Variants in CSMD1 observed in about 807,000 individuals in gnomAD.
CSMD1 encodes the protein CUB and Sushi multiple domains 1.
In CSMD1, 213 loss-of-function variants were observed where a neutral mutation model predicts 417.5. The ratio of observed to expected loss-of-function variants is 0.51; its 90% confidence interval spans 0.46 to 0.57. The LOEUF is 0.57. Among genes scored for constraint, CSMD1 ranks in the 20% least tolerant of loss-of-function variants. CSMD1 has a pLI of 0.00. For missense variants in CSMD1, 6,923 were observed against 4,529.7 expected (o/e 1.53, Z -15.17); for synonymous variants, 2,862 against 1,736.8 (o/e 1.65, Z -16.11).
chr8:4,018,750 A>G (rs1391144644), intron 4 of CSMD1, among the ~76,000 whole-genome samples: 2 of 152,190 alleles, frequency 1.3e-5, no homozygotes, highest in Admixed American at 6.5e-5. Context: ...ACAGCATGTG[A>G]CAAGGGCCGT....
chr8:4,662,837 G>T (rs187328494), intron 1 of CSMD1, among the ~76,000 whole-genome samples: 2 of 152,268 alleles, frequency 1.3e-5, no homozygotes, highest in East Asian at 3.9e-4. Context: ...AAACATTGTG[G>T]CAGGACACTT....
intron 5 of CSMD1, among the ~76,000 whole-genome samples, chr8:3,915,187 C>T (rs770005544): frequency 5.9e-5 from 9 of 151,980 alleles, no homozygotes; most frequent in Non-Finnish European, 1.3e-4. Flanking sequence ...AGGAGGACCA[C>T]CTAAGGTCAG....
chr8:3,384,980 CAT>C (rs1810900774), intron 18 of CSMD1, among the ~76,000 whole-genome samples: 1 of 111,516 alleles, frequency 9.0e-6, no homozygotes, highest in South Asian at 2.5e-4. Flanking sequence ...GCATATATAG[CAT>C]ATATAATACA....
At chr8:4,504,646 C>T (rs189820612) in intron 2 of CSMD1, among the ~76,000 whole-genome samples, 8 of 152,204 alleles carry the variant, frequency 5.3e-5, no homozygotes, top group East Asian at 3.9e-4. Flanking sequence ...CCCCACCTCC[C>T]GACAAACCCC....
At chr8:3,579,877 G>A (rs892005895) in intron 9 of CSMD1, among the ~76,000 whole-genome samples, 1 of 152,182 alleles carries the variant, frequency 6.6e-6, no homozygotes, top group African/African-American at 2.4e-5. Context: ...GCTGAGGCGG[G>A]TGGATTACCT....
At chr8:3,735,282 T>C (rs1045142784) in intron 6 of CSMD1, among the ~76,000 whole-genome samples, 4 of 150,598 alleles carry the variant, frequency 2.7e-5, no homozygotes, top group African/African-American at 7.3e-5. Flanking sequence ...ACTTGGCTTA[T>C]ACATCATATA....
chr8:3,479,016 C>T (rs776983381), intron 11 of CSMD1, among the ~76,000 whole-genome samples: 2 of 152,000 alleles, frequency 1.3e-5, no homozygotes, highest in African/African-American at 2.4e-5. Flanking sequence ...CCCAAGCCCA[C>T]CCAACCCCAT....
intron 2 of CSMD1, among the ~76,000 whole-genome samples, chr8:4,465,117 T>C (rs899495689): frequency 1.3e-5 from 2 of 152,152 alleles, no homozygotes; most frequent in South Asian, 4.1e-4. Context: ...TAACAGTTAA[T>C]TTTCCCATCT....
chr8:4,062,887 T>C (rs1361596356), intron 3 of CSMD1, among the ~76,000 whole-genome samples: 2 of 148,078 alleles, frequency 1.4e-5, no homozygotes, highest in Non-Finnish European at 3.0e-5. Flanking sequence ...TACTGAAGAG[T>C]AAACTGCAGC....
At chr8:3,472,423 C>G (rs938400168) in intron 11 of CSMD1, among the ~76,000 whole-genome samples, 11 of 152,122 alleles carry the variant, frequency 7.2e-5, no homozygotes, top group African/African-American at 2.4e-4. Context: ...ATGATTGGTA[C>G]TCTGCTATTC....
chr8:3,372,226 G>A (rs1045456625), intron 18 of CSMD1, among the ~76,000 whole-genome samples: 1 of 152,144 alleles, frequency 6.6e-6, no homozygotes, highest in Non-Finnish European at 1.5e-5. Context: ...AATACCTGGG[G>A]AACAATTTGG....
intron 49 of CSMD1, among the ~76,000 whole-genome samples, chr8:3,073,667 A>G (rs1024726407): frequency 3.9e-5 from 6 of 152,214 alleles, no homozygotes; most frequent in African/African-American, 1.4e-4. Context: ...GACATTTGAA[A>G]TACATATGAC....
At chr8:4,009,818 CT>C (rs1263185847) in intron 4 of CSMD1, among the ~76,000 whole-genome samples, 7 of 152,096 alleles carry the variant, frequency 4.6e-5, no homozygotes, top group African/African-American at 1.7e-4. Flanking sequence ...CCCTCCTGTT[CT>C]CAGAGAGTCA....
intron 7 of CSMD1, among the ~76,000 whole-genome samples, chr8:3,674,595 T>C (rs1413581153): frequency 6.8e-6 from 1 of 147,870 alleles, no homozygotes; most frequent in Non-Finnish European, 1.5e-5. Flanking sequence ...AAATATATTA[T>C]AACTCCAGAT....
At chr8:4,453,567 G>A (rs773242141) in intron 2 of CSMD1, among the ~76,000 whole-genome samples, 3 of 152,120 alleles carry the variant, frequency 2.0e-5, no homozygotes, top group African/African-American at 7.2e-5. Flanking sequence ...CCACATGACT[G>A]GCTTATATCG....
At chr8:4,358,007 C>A (rs1801528343) in intron 3 of CSMD1, among the ~76,000 whole-genome samples, 1 of 152,086 alleles carries the variant, frequency 6.6e-6, no homozygotes, top group Non-Finnish European at 1.5e-5. Flanking sequence ...CCTCCCCTTC[C>A]CATGGAACTT....
At chr8:3,958,058 T>A (rs1812085485) in intron 5 of CSMD1, among the ~76,000 whole-genome samples, 1 of 152,226 alleles carries the variant, frequency 6.6e-6, no homozygotes, top group Non-Finnish European at 1.5e-5. Context: ...GCCTGTATAC[T>A]GTTCATGTGC....
intron 3 of CSMD1, among the ~76,000 whole-genome samples, chr8:4,059,648 G>A (rs891802562): frequency 5.3e-5 from 8 of 152,168 alleles, no homozygotes; most frequent in African/African-American, 1.9e-4. Context: ...ACTGCCATCA[G>A]AGAATACTAC....
intron 1 of CSMD1, among the ~76,000 whole-genome samples, chr8:4,817,369 T>A (rs554938037): frequency 6.6e-6 from 1 of 152,116 alleles, no homozygotes; most frequent in African/African-American, 2.4e-5. Flanking sequence ...TATAACAAAT[T>A]AAAAAAATGA....
Sources: gnomAD v4.1 joint callset for allele counts (sites outside exome capture counted in the v4.1 genomes callset) on GRCh38, gnomAD v4.1.1 for gene constraint, MANE v1.5 for transcripts, NCBI Gene and HGNC (gene_info 2026-07-23, HGNC 2026-07-21) for gene names.